The following WDPCP variants were observed in gnomAD, a reference collection of about 807,000 sequenced individuals.
WDPCP encodes WD repeat containing planar cell polarity effector.
WDPCP carries 71 observed loss-of-function variants against 93.1 expected under a neutral mutation model. The observed-to-expected ratio is 0.76, with a 90% confidence interval of 0.63 to 0.93. The LOEUF (loss-of-function observed/expected upper bound fraction) is 0.93, where lower values mean the gene tolerates loss of function less well. WDPCP is among the 40% of genes least tolerant of loss of function. The pLI is 0.00. For missense variants in WDPCP, 844 were observed against 887.4 expected, an observed-to-expected ratio of 0.95 and a Z score of 0.62; for synonymous variants, 315 against 315.0, an observed-to-expected ratio of 1.00 and a Z score of 0.00.
At chr2:63,439,196 T>G (rs980079818) in intron 7 of WDPCP, among the ~76,000 whole-genome samples, 1 of 152,164 alleles carries the variant, frequency 6.6e-6, no homozygotes, top group African/African-American at 2.4e-5. Flanking sequence ...ATAACTGGCT[T>G]AATATCTTTT....
intron 3 of WDPCP, chr2:63,606,843 T>C (rs1355340573): frequency 2.5e-6 from 4 of 1,587,356 alleles, no homozygotes; most frequent in Non-Finnish European, 3.4e-6. Context: ...AATCTCTTAT[T>C]TGCATTATTT....
intron 1 of WDPCP, among the ~76,000 whole-genome samples, chr2:63,526,805 T>G (rs1168301444): frequency 6.6e-6 from 1 of 152,224 alleles, no homozygotes; most frequent in Admixed American, 6.5e-5. Context: ...GTTTTGGTTT[T>G]AACTTTATTG....
intron 2 of WDPCP, among the ~76,000 whole-genome samples, chr2:63,745,643 T>TACAC (rs5831669): frequency 2.0e-3 from 300 of 149,770 alleles, no homozygotes; most frequent in African/African-American, 4.8e-3. Context: ...TGCACGCACT[T>TACAC]ACACACACAC....
chr2:63,474,797 T>G (rs936401638), intron 6 of WDPCP, among the ~76,000 whole-genome samples: 3 of 152,138 alleles, frequency 2.0e-5, no homozygotes, highest in Non-Finnish European at 2.9e-5. Flanking sequence ...AGTTCAAATA[T>G]TATGTGTTAA....
chr2:63,528,691 A>G (rs1028038212), intron 1 of WDPCP, among the ~76,000 whole-genome samples: 2 of 152,090 alleles, frequency 1.3e-5, no homozygotes, highest in African/African-American at 4.8e-5. Context: ...TTGACGTGGC[A>G]ATGTGGGCTC....
upstream of WDPCP, chr2:63,589,420 C>T (rs894322611): frequency 6.5e-7 from 1 of 1,535,794 alleles, no homozygotes; most frequent in Non-Finnish European, 8.8e-7. Context: ...GTCCTAACCC[C>T]TTTTTCTCCT....
chr2:63,552,895 G>A lies in WDPCP; in HGVS notation c.75+35302C>T, dbSNP rs141686779. 6.6e-5 allele frequency among the ~76,000 whole-genome samples: 10 copies of A among 152,278 alleles called. No homozygotes were observed. In the East Asian group the frequency reaches 1.5e-3, roughly 23 times the overall value. On this transcript the variant is annotated intron_variant, in intron 1 of 17. Transcript: ENST00000272321. Reference sequence around the variant, plus strand: ...ATAAAAACCAAAGATTGTTTTCAGCGTAAAATAAATACAAGTGTGTCTAAA... The same window carrying A: ...ATAAAAACCAAAGATTGTTTTCAGCATAAAATAAATACAAGTGTGTCTAAA...
In WDPCP at chr2:63,329,498, A is replaced by G. The variant is rs546721463; in HGVS notation, c.1749-16187T>C. Among the ~76,000 whole-genome samples the G allele has an allele frequency of 1.8e-4, 27 of 152,284 alleles. No homozygotes were observed. The South Asian group carries it at 5.2e-3, about 29-fold the overall frequency. On this transcript the variant is annotated intron_variant, in intron 12 of 17. Coordinates refer to ENST00000272321, the MANE Select transcript of WDPCP (RefSeq NM_015910.7). ...AGAACTTTGTAAGTATTTGAATTCT[A>G]TTTAATTCTGCTAAGAATTAGAGAT...
At chr2:63,447,790 T>G (rs555501283) in intron 6 of WDPCP, among the ~76,000 whole-genome samples, 1 of 152,178 alleles carries the variant, frequency 6.6e-6, no homozygotes, top group Admixed American at 6.5e-5. Context: ...TAAAGAAAGT[T>G]AGAGAAAAAT....
intron 2 of WDPCP, among the ~76,000 whole-genome samples, chr2:63,728,364 A>T (rs1669518831): frequency 1.3e-5 from 2 of 152,104 alleles, no homozygotes; most frequent in Non-Finnish European, 2.9e-5. Context: ...AGGGTGAGAG[A>T]AGTGAGGAGC....
At chr2:63,237,886 C>T (rs1679534488) in intron 14 of WDPCP, among the ~76,000 whole-genome samples, 1 of 151,960 alleles carries the variant, frequency 6.6e-6, no homozygotes, top group Non-Finnish European at 1.5e-5. Flanking sequence ...TATATTCACT[C>T]TCTGGGTGAC....
At chr2:63,209,046 G>C (rs1333892507) in intron 14 of WDPCP, among the ~76,000 whole-genome samples, 4 of 152,176 alleles carry the variant, frequency 2.6e-5, no homozygotes, top group Admixed American at 2.6e-4. Flanking sequence ...CAGCCCATTA[G>C]GGCTTGCTTT....
In WDPCP at chr2:63,490,137, A is replaced by C. The variant is rs569536798; in HGVS notation, c.161-2643T>G. Among the ~76,000 whole-genome samples the C allele has an allele frequency of 1.0e-3, 158 of 151,752 alleles. 1 individual carries two copies. The highest frequency in any genetic ancestry group is 1.8e-3 in the Non-Finnish European group (121 of 67,916). On this transcript the variant is annotated intron_variant, in intron 2 of 17. Coordinates refer to ENST00000272321, the MANE Select transcript of WDPCP (RefSeq NM_015910.7). ...AAAAAAAAGGCGGAGGATGAAGAAT[A>C]ACCCAGAATGAAGGACACTAAAGAA...
At chr2:63,227,928 A>C (rs1678434427) in intron 14 of WDPCP, among the ~76,000 whole-genome samples, 1 of 152,124 alleles carries the variant, frequency 6.6e-6, no homozygotes, top group Admixed American at 6.6e-5. Flanking sequence ...CAAAGGAAAC[A>C]AAAATGACAG....
chr2:63,728,929 G>A (rs899908809), intron 2 of WDPCP, among the ~76,000 whole-genome samples: 10 of 152,076 alleles, frequency 6.6e-5, no homozygotes, highest in Non-Finnish European at 1.5e-5. Flanking sequence ...TAAGAGTTAC[G>A]TATTTCTAAC....
rs765674630 is a variant in WDPCP, at chr2:63,174,701, G to T, written c.2047C>A (p.Gln683Lys). ...GAAGAGCCATTCAGTATTCTTTGTT[G>T]TAAAATATGTCTGTGGGTTGGGCAA... ...PSCPTHRHIL[Q>K]QRILNGSSNR... Residue 683 changes from glutamine to lysine, a missense_variant, in exon 15 of 18, where the codon CAA (glutamine) becomes AAA (lysine). Physicochemically the swap from Gln to Lys is moderately conservative, Grantham distance 53. Transcript: ENST00000272321. The T allele has an allele frequency of 2.5e-6, 4 of 1,613,908 alleles. No homozygotes were observed. In the Admixed American group the frequency reaches 6.7e-5, roughly 27 times the overall value.
intron 2 of WDPCP, among the ~76,000 whole-genome samples, chr2:63,700,234 G>A (rs1181215397): frequency 1.5e-5 from 2 of 130,852 alleles, no homozygotes; most frequent in African/African-American, 6.0e-5. Flanking sequence ...AGTGAGCCAC[G>A]ATCGTGCCAC....
chr2:63,809,938 T>TAA (rs569852634), intron 2 of WDPCP, among the ~76,000 whole-genome samples: 2 of 150,664 alleles, frequency 1.3e-5, no homozygotes, highest in African/African-American at 4.9e-5. Flanking sequence ...AAAATTAAAT[T>TAA]AAAAAAAAAA....
chr2:63,588,821 T>A, upstream of WDPCP: 19 of 523,006 alleles, frequency 3.6e-5, no homozygotes, highest in Admixed American at 9.5e-5. Flanking sequence ...GAAAAAAACC[T>A]CTGGTATCGG....
Sources: allele counts gnomAD v4.1 joint callset (sites outside exome capture counted in the v4.1 genomes callset), GRCh38; gene constraint gnomAD v4.1.1; transcripts MANE v1.5; gene names NCBI Gene and HGNC (gene_info 2026-07-23, HGNC 2026-07-21).